The following SBF2 variants were observed in gnomAD, a reference collection of about 807,000 sequenced individuals.
The protein encoded by SBF2 is myotubularin-related protein 13.
A neutral mutation model predicts 225.2 loss-of-function variants in SBF2; 112 were observed. That is an observed-to-expected ratio of 0.50 (90% CI 0.43 to 0.58). The LOEUF is 0.58. Among genes scored for constraint, SBF2 ranks in the 20% least tolerant of loss-of-function variants. SBF2 has a pLI of 0.00. For synonymous variants in SBF2, 763 were observed against 773.3 expected, an observed-to-expected ratio of 0.99 and a Z score of 0.22; for missense variants, 1,996 against 2,206.2, an observed-to-expected ratio of 0.90 and a Z score of 1.91.
At chr11:10,172,224 G>C (rs967040840) in intron 2 of SBF2, among the ~76,000 whole-genome samples, 1 of 151,930 alleles carries the variant, frequency 6.6e-6, no homozygotes, top group African/African-American at 2.4e-5. Context: ...TGCATCATTA[G>C]GTTGTTTATG....
At chr11:10,054,327 T>C (rs1000639984) in intron 2 of SBF2, among the ~76,000 whole-genome samples, 4 of 152,208 alleles carry the variant, frequency 2.6e-5, no homozygotes, top group East Asian at 1.9e-4. Context: ...TAGGCAGATA[T>C]ACAAACATAC....
intron 6 of SBF2, among the ~76,000 whole-genome samples, chr11:10,021,005 T>A (rs1434083530): frequency 1.3e-5 from 2 of 151,946 alleles, no homozygotes; most frequent in Non-Finnish European, 2.9e-5. Context: ...AAGTTAACCA[T>A]GGACAAGTAA....
At chr11:10,071,153 T>C (rs978295877) in intron 2 of SBF2, among the ~76,000 whole-genome samples, 2 of 152,134 alleles carry the variant, frequency 1.3e-5, no homozygotes, top group Non-Finnish European at 2.9e-5. Flanking sequence ...ACCCTTTATT[T>C]CTTTCTCTTG....
At chr11:10,294,891 C>A (rs1184606992), upstream of SBF2, among the ~76,000 whole-genome samples, 2 of 152,254 alleles carry the variant, frequency 1.3e-5, no homozygotes, top group African/African-American at 4.8e-5. Flanking sequence ...GGCTTGCTTC[C>A]CTCGCAGCGG....
intron 16 of SBF2, among the ~76,000 whole-genome samples, chr11:9,905,209 G>C (rs752391923): frequency 6.6e-6 from 1 of 152,120 alleles, no homozygotes; most frequent in Non-Finnish European, 1.5e-5. Flanking sequence ...GAAATGCTTA[G>C]CATATCACAC....
At chr11:10,266,096 A>G (rs1961958532) in intron 1 of SBF2, among the ~76,000 whole-genome samples, 1 of 152,090 alleles carries the variant, frequency 6.6e-6, no homozygotes, top group Admixed American at 6.5e-5. Flanking sequence ...AATCCTCATA[A>G]CAATCACATG....
intron 24 of SBF2, among the ~76,000 whole-genome samples, chr11:9,843,485 C>T (rs763177619): frequency 6.6e-6 from 1 of 152,150 alleles, no homozygotes; most frequent in Non-Finnish European, 1.5e-5. Flanking sequence ...TTCTTGCTGA[C>T]AGAAAATCTA....
chr11:9,787,149 C>T (rs988802448), intron 36 of SBF2, among the ~76,000 whole-genome samples: 1 of 152,208 alleles, frequency 6.6e-6, no homozygotes, highest in Non-Finnish European at 1.5e-5. Context: ...CCACCTCGGC[C>T]TCCCAAAGTG....
intron 2 of SBF2, among the ~76,000 whole-genome samples, chr11:10,180,889 T>C (rs191259322): frequency 3.3e-5 from 5 of 152,264 alleles, no homozygotes; most frequent in African/African-American, 1.2e-4. Flanking sequence ...TTGAATCCAA[T>C]AGTAAAATCT....
intron 17 of SBF2, among the ~76,000 whole-genome samples, chr11:9,865,386 T>A (rs1858104930): frequency 1.3e-5 from 2 of 152,050 alleles, no homozygotes; most frequent in African/African-American, 4.8e-5. Flanking sequence ...CCATTATTTC[T>A]CCTGTTTAAA....
Position 10,249,090 on chromosome 11 carries a change from C to T in SBF2, c.55+44925G>A, listed in dbSNP as rs1398919418. Among the ~76,000 whole-genome samples the T allele has an allele frequency of 2.7e-5, 4 of 149,248 alleles. 1 individual carries two copies. In the Middle Eastern group the frequency reaches 0.01, roughly 389 times the overall value. On this transcript the variant is annotated intron_variant, in intron 1 of 39. Coordinates refer to ENST00000256190, the MANE Select transcript of SBF2 (RefSeq NM_030962.4). ...CAGCCTGGGTGACAGAGCAAGACTC[C>T]GTCTCAACAAAAAAAAAAAAGAAAG...
At chr11:10,254,899 TCAAAAAAAAAA>T (rs1284091548) in intron 1 of SBF2, among the ~76,000 whole-genome samples, 3 of 15,686 alleles carry the variant, frequency 1.9e-4, no homozygotes, top group Admixed American at 9.7e-4. Context: ...AGACTCTGTC[TCAAAAAAAAAA>T]AAAAAAAAAA....
chr11:9,954,553 T>A (rs537280833), intron 16 of SBF2, among the ~76,000 whole-genome samples: 1 of 152,206 alleles, frequency 6.6e-6, no homozygotes, highest in South Asian at 2.1e-4. Flanking sequence ...ATGTGCTTGA[T>A]GAAGCACAGG....
chr11:10,256,805 A>G (rs1478063812), intron 1 of SBF2, among the ~76,000 whole-genome samples: 2 of 152,200 alleles, frequency 1.3e-5, no homozygotes, highest in African/African-American at 4.8e-5. Flanking sequence ...AAAACGTAAT[A>G]GCATCTCTCT....
At chr11:10,284,369 A>G (rs1963605336) in intron 1 of SBF2, among the ~76,000 whole-genome samples, 1 of 152,110 alleles carries the variant, frequency 6.6e-6, no homozygotes, top group Non-Finnish European at 1.5e-5. Flanking sequence ...TTTTATCACC[A>G]CAAAAATTCC....
chr11:10,138,163 T>C (rs1322347212), intron 2 of SBF2, among the ~76,000 whole-genome samples: 1 of 152,200 alleles, frequency 6.6e-6, no homozygotes, highest in Admixed American at 6.5e-5. Context: ...AATTCAATTT[T>C]CTTAACAGAA....
At chr11:10,218,176 A>G (rs1988724) in intron 1 of SBF2, among the ~76,000 whole-genome samples, 1 of 152,018 alleles carries the variant, frequency 6.6e-6, no homozygotes, top group African/African-American at 2.4e-5. Flanking sequence ...CTGAGATTAC[A>G]GGTGTGAGCC....
intron 1 of SBF2, among the ~76,000 whole-genome samples, chr11:10,286,166 G>GCGCACACACA (rs373771420): frequency 0.014 from 2,039 of 147,336 alleles, 43 homozygotes; most frequent in African/African-American, 0.047. Context: ...ACACGCACAC[G>GCGCACACACA]CACACACACA....
At chr11:10,159,564 CA>C (rs1373730888) in intron 2 of SBF2, among the ~76,000 whole-genome samples, 1 of 152,162 alleles carries the variant, frequency 6.6e-6, no homozygotes, top group Non-Finnish European at 1.5e-5. Flanking sequence ...CCTGACCAAT[CA>C]GCACTCTTGG....
Sources: allele counts gnomAD v4.1 joint callset (sites outside exome capture counted in the v4.1 genomes callset), GRCh38; gene constraint gnomAD v4.1.1; transcripts MANE v1.5; gene names NCBI Gene and HGNC (gene_info 2026-07-23, HGNC 2026-07-21).